Variants in NWD2 observed in about 807,000 individuals in gnomAD.
NWD2 encodes NACHT and WD repeat domain containing 2, also known as NACHT and WD repeat domain-containing protein 2.
In NWD2, 37 loss-of-function variants were observed where a neutral mutation model predicts 132.7. The ratio of observed to expected loss-of-function variants is 0.28; its 90% CI spans 0.21 to 0.37. The LOEUF (loss-of-function observed/expected upper bound fraction) is 0.37, where lower values mean the gene tolerates loss of function less well. Ranked by LOEUF, NWD2 falls within the 10% of genes least tolerant of loss-of-function variation. NWD2 has a pLI of 1.00. For synonymous variants in NWD2, 705 were observed against 803.0 expected, an observed-to-expected ratio of 0.88 and a Z score of 2.06; for missense variants, 1,592 against 2,122.4, an observed-to-expected ratio of 0.75 and a Z score of 4.91.
At chr4:37,401,969 G>T (rs1199728179) in intron 3 of NWD2, among the ~76,000 whole-genome samples, 1 of 152,216 alleles carries the variant, frequency 6.6e-6, no homozygotes, top group African/African-American at 2.4e-5. Context: ...AATTGTCATT[G>T]TGATGATATT....
At chr4:37,396,878 C>A (rs925585296) in intron 3 of NWD2, among the ~76,000 whole-genome samples, 1 of 152,048 alleles carries the variant, frequency 6.6e-6, no homozygotes, top group African/African-American at 2.4e-5. Context: ...ACTAAAAATA[C>A]AAAAATTAGC....
Position 37,443,495 on chromosome 4 carries a change from T to C in NWD2, c.1507T>C (p.Ser503Pro). ...CDLFINLLNE[S>P]SLQRPLVIIF... ...CTTATTTATAAATCTTTTGAATGAG[T>C]CTTCACTGCAGAGACCTCTAGTCAT... Residue 503 changes from serine (S) to proline (P), a missense_variant, in exon 7 of 7, where the codon TCT (serine) becomes CCT (proline). Around this residue, in one of 7 missense-constraint regions of NWD2, gnomAD observed 1,071 missense variants for 1,398.0 expected, o/e 0.77. Transcript: ENST00000309447. This position sits in a 1 kb window ranked among gnomAD's most constrained non-coding sequence, Gnocchi z 4.1. 1 of 1,551,998 alleles carries C rather than the reference T, an allele frequency of 6.4e-7. No individual in the cohort carries two copies. Among genetic ancestry groups the C allele is most frequent in the Non-Finnish European group, 8.7e-7 (1 of 1,147,032 alleles).
intron 1 of NWD2, among the ~76,000 whole-genome samples, chr4:37,311,726 T>C (rs1221661266): frequency 6.7e-6 from 1 of 148,900 alleles, no homozygotes; most frequent in African/African-American, 2.6e-5. Flanking sequence ...GGAATGGTAA[T>C]GCCTAGGTTT....
rs892037345 is a variant in NWD2 at position 37,445,945 on chromosome 4, C to T, written c.3957C>T (p.Ile1319=). ...ACATAGATAAGACTGGAAAACCCAT[C>T]CAAAGTCTGTTGTTGCCTGCTAGAG... The part of the protein sequence containing the change: ...MSNIDKTGKP[I]QSLLLPARGE... Residue 1319 remains isoleucine (I), a synonymous_variant, in exon 7 of 7, where the codon ATC becomes ATT. Transcript: ENST00000309447. This position sits in a 1 kb window ranked among gnomAD's most constrained non-coding sequence, Gnocchi z 4.7. 6.4e-7 allele frequency: 1 copy of T among 1,551,562 alleles called. No homozygotes were observed. The highest frequency in any genetic ancestry group is 1.4e-5 in the African/African-American group (1 of 73,038).
intron 2 of NWD2, among the ~76,000 whole-genome samples, chr4:37,353,801 G>A (rs1719817341): frequency 6.6e-6 from 1 of 151,926 alleles, no homozygotes; most frequent in African/African-American, 2.4e-5. Flanking sequence ...TGCTCCTTTA[G>A]CTTGGTGGAG....
intron 1 of NWD2, among the ~76,000 whole-genome samples, chr4:37,254,042 C>T (rs1388768309): frequency 6.6e-6 from 1 of 151,900 alleles, no homozygotes; most frequent in South Asian, 2.1e-4. Flanking sequence ...CACACTGGGG[C>T]GTTTTGGAGG....
intron 2 of NWD2, among the ~76,000 whole-genome samples, chr4:37,326,662 T>C (rs1009345873): frequency 3.9e-5 from 6 of 152,170 alleles, no homozygotes; most frequent in Non-Finnish European, 7.4e-5. Flanking sequence ...CATCCAAATG[T>C]TGAAAAAAAT....
chr4:37,332,717 A>G (rs1376071426), intron 2 of NWD2, among the ~76,000 whole-genome samples: 1 of 152,180 alleles, frequency 6.6e-6, no homozygotes, highest in Non-Finnish European at 1.5e-5. Flanking sequence ...AGGGAAGAAT[A>G]AAGGGAAATT....
intron 1 of NWD2, among the ~76,000 whole-genome samples, chr4:37,285,768 GT>G (rs1257909749): frequency 1.7e-4 from 26 of 152,114 alleles, no homozygotes; most frequent in African/African-American, 6.3e-4. Context: ...TTATGCAAAA[GT>G]TTATAGTAAC....
chr4:37,399,077 ATATT>A (rs1720856560), intron 3 of NWD2, among the ~76,000 whole-genome samples: 2 of 152,258 alleles, frequency 1.3e-5, no homozygotes, highest in Non-Finnish European at 2.9e-5. Context: ...TGAAAGCAAC[ATATT>A]TAATGTTCTT....
chr4:37,358,021 G>A (rs534529809), intron 3 of NWD2, among the ~76,000 whole-genome samples: 1 of 152,228 alleles, frequency 6.6e-6, no homozygotes, highest in East Asian at 1.9e-4. Flanking sequence ...TATGGGGAAC[G>A]TATCATGGGG....
At chr4:37,323,001 G>T (rs2109286498) in intron 1 of NWD2, among the ~76,000 whole-genome samples, 1 of 152,200 alleles carries the variant, frequency 6.6e-6, no homozygotes. Context: ...AAACTATGGT[G>T]TATGAGTTTC....
chr4:37,281,346 A>AT (rs140623328), intron 1 of NWD2, among the ~76,000 whole-genome samples: 10,416 of 149,656 alleles, frequency 0.07, 447 homozygotes, highest in Non-Finnish European at 0.098. Flanking sequence ...TAGAATCTAC[A>AT]TTTTTTTTTT....
At chr4:37,423,334 C>A (rs1436610369) in intron 3 of NWD2, among the ~76,000 whole-genome samples, 1 of 152,044 alleles carries the variant, frequency 6.6e-6, no homozygotes, top group East Asian at 1.9e-4. Flanking sequence ...TTCCCATCTC[C>A]CCCTGTATTA....
At chr4:37,394,988 T>TA (rs2109313227) in intron 3 of NWD2, among the ~76,000 whole-genome samples, 1 of 150,664 alleles carries the variant, frequency 6.6e-6, no homozygotes, top group African/African-American at 2.4e-5. Context: ...AATTTTTTTT[T>TA]TTCTAGTAGA....
intron 3 of NWD2, among the ~76,000 whole-genome samples, chr4:37,357,596 A>G (rs1200463248): frequency 6.6e-6 from 1 of 152,110 alleles, no homozygotes; most frequent in Non-Finnish European, 1.5e-5. Context: ...CGAAATTGTT[A>G]TTTTGTGGGC....
Position 37,439,738 on chromosome 4 carries a change from G to A in NWD2, c.1296+348G>A, listed in dbSNP as rs1195433523. On this transcript the variant is annotated intron_variant, in intron 6 of 6. Transcript: ENST00000309447. The surrounding 1 kb of genome is among the most constrained non-coding windows in gnomAD (Gnocchi z 4.5). The stretch of plus-strand genomic sequence containing the variant: ...ACAAGCCCTCTGGTCACTCCAGTCT[G>A]CTAAATCAGTCTCCGTTCAGTAATG... Among the ~76,000 whole-genome samples, 1 of 152,170 alleles carries A rather than the reference G, an allele frequency of 6.6e-6. No individual in the cohort carries two copies. The highest frequency in any genetic ancestry group is 2.1e-4 in the South Asian group (1 of 4,832).
intron 1 of NWD2, among the ~76,000 whole-genome samples, chr4:37,277,206 T>C (rs547977649): frequency 6.6e-6 from 1 of 152,182 alleles, no homozygotes; most frequent in East Asian, 1.9e-4. Context: ...TCTTTGTGTT[T>C]AGAGTTTTCT....
rs180915330 is a variant in NWD2 at position 37,444,434 on chromosome 4, G to C, written c.2446G>C (p.Val816Leu). ...FDRQAPDQPW[V>L]FQCNPLEPDI... ...CAGGCAGGCTCCAGACCAGCCCTGG[G>C]TTTTCCAGTGTAATCCCCTGGAACC... The change falls in exon 7 of 7, where the codon GTT (valine) becomes CTT (leucine). Residue 816 changes from valine to leucine, a missense_variant. By Grantham distance (32) the Val-to-Leu change is conservative (BLOSUM62 1). This residue lies in a region of NWD2 where 1,071 missense variants were observed against 1,398.0 expected (regional missense o/e 0.77). Transcript: ENST00000309447. The surrounding 1 kb of genome is among the most constrained non-coding windows in gnomAD (Gnocchi z 4.8). 5 of 1,551,974 alleles carry C rather than the reference G, an allele frequency of 3.2e-6. No homozygotes were observed. The East Asian group carries it at 9.8e-5, about 30-fold the overall frequency.
Sources: gnomAD v4.1 joint callset for allele counts (sites outside exome capture counted in the v4.1 genomes callset) on GRCh38, gnomAD v4.1.1 for gene constraint, gnomAD v4.1.1 regional missense constraint, Gnocchi (gnomAD v3.1) non-coding constraint, MANE v1.5 for transcripts, NCBI Gene and HGNC (gene_info 2026-07-23, HGNC 2026-07-21) for gene names.